The following COL25A1 variants were observed in gnomAD, a reference collection of about 807,000 sequenced individuals.
COL25A1 encodes the protein collagen type XXV alpha 1 chain.
A neutral mutation model predicts 128.4 loss-of-function variants in COL25A1; 103 were observed. The ratio of observed to expected loss-of-function variants is 0.80; its 90% CI spans 0.68 to 0.94. COL25A1 has a LOEUF of 0.94. COL25A1 is among the 40% of genes least tolerant of loss of function. The pLI, the probability that COL25A1 is intolerant of heterozygous loss-of-function variation, is 0.00. For synonymous variants in COL25A1, 279 were observed against 277.2 expected, an observed-to-expected ratio of 1.01 and a Z score of -0.06; for missense variants, 745 against 840.0, an observed-to-expected ratio of 0.89 and a Z score of 1.40.
At chr4:108,911,694 T>G (rs1369929118) in intron 13 of COL25A1, among the ~76,000 whole-genome samples, 1 of 152,184 alleles carries the variant, frequency 6.6e-6, no homozygotes, top group Non-Finnish European at 1.5e-5. Flanking sequence ...AGATGTAATA[T>G]GTCAGTATTT....
chr4:109,122,258 A>G (rs778635748), intron 3 of COL25A1, among the ~76,000 whole-genome samples: 2 of 152,036 alleles, frequency 1.3e-5, no homozygotes. Flanking sequence ...AGGGAACCCT[A>G]ATGTAAACTA....
At chr4:109,293,008 T>C (rs1578657391) in intron 3 of COL25A1, among the ~76,000 whole-genome samples, 1 of 152,054 alleles carries the variant, frequency 6.6e-6, no homozygotes, top group East Asian at 1.9e-4. Flanking sequence ...GATCATATCA[T>C]ATATTATCTT....
chr4:108,916,245 C>T lies in COL25A1; in HGVS notation c.780+1927G>A, dbSNP rs574843966. On this transcript the variant is annotated intron_variant, in intron 13 of 37. Coordinates refer to ENST00000399132, the MANE Select transcript of COL25A1 (RefSeq NM_198721.4). ...CCTTCATAAAAGTGTGAAATCATTT[C>T]GTTTCCCTGGGTTTTACAGAAAACA... Among the ~76,000 whole-genome samples the T allele has an allele frequency of 2.0e-5, 3 of 152,252 alleles. No individual in the cohort carries two copies. In the East Asian group the frequency reaches 5.8e-4, roughly 29 times the overall value.
intron 3 of COL25A1, among the ~76,000 whole-genome samples, chr4:109,147,081 C>T (rs564776191): frequency 5.9e-5 from 9 of 152,310 alleles, no homozygotes; most frequent in East Asian, 1.9e-4. Context: ...GGGGTAAAAT[C>T]GCCAGCAGTT....
At chr4:108,904,719 G>T (rs1005428532) in intron 13 of COL25A1, among the ~76,000 whole-genome samples, 1 of 151,950 alleles carries the variant, frequency 6.6e-6, no homozygotes, top group Non-Finnish European at 1.5e-5. Flanking sequence ...AAACACTGAG[G>T]GCATTCCATA....
At chr4:109,022,822 G>C (rs367574615) in intron 5 of COL25A1, among the ~76,000 whole-genome samples, 1 of 152,140 alleles carries the variant, frequency 6.6e-6, no homozygotes, top group East Asian at 1.9e-4. Context: ...CAGGGTCTAC[G>C]GCATTCAAAG....
intron 13 of COL25A1, among the ~76,000 whole-genome samples, chr4:108,907,468 C>T (rs976295030): frequency 3.3e-5 from 5 of 152,132 alleles, no homozygotes; most frequent in African/African-American, 9.7e-5. Flanking sequence ...CTAAAGTTCC[C>T]CAAAGACCCT....
chr4:109,116,942 G>A (rs1767630811), intron 3 of COL25A1, among the ~76,000 whole-genome samples: 1 of 151,786 alleles, frequency 6.6e-6, no homozygotes, highest in Non-Finnish European at 1.5e-5. Flanking sequence ...TGTGACAATG[G>A]AAACTTTCAA....
chr4:109,272,709 G>C (rs1782275353), intron 3 of COL25A1, among the ~76,000 whole-genome samples: 1 of 152,120 alleles, frequency 6.6e-6, no homozygotes, highest in Non-Finnish European at 1.5e-5. Flanking sequence ...ATGGATCAAG[G>C]CCTAATAGAG....
intron 3 of COL25A1, among the ~76,000 whole-genome samples, chr4:109,226,797 A>C (rs1233801474): frequency 6.6e-6 from 1 of 152,152 alleles, no homozygotes; most frequent in South Asian, 2.1e-4. Flanking sequence ...GTGATAGGCC[A>C]CCTTATATTA....
intron 31 of COL25A1, among the ~76,000 whole-genome samples, chr4:108,837,277 A>C (rs2125741605): frequency 6.6e-6 from 1 of 152,328 alleles, no homozygotes; most frequent in East Asian, 1.9e-4. Flanking sequence ...AATTGTGTAT[A>C]AACTATATTC....
intron 3 of COL25A1, among the ~76,000 whole-genome samples, chr4:109,237,896 G>A (rs1435995854): frequency 6.6e-6 from 1 of 152,046 alleles, no homozygotes; most frequent in East Asian, 1.9e-4. Context: ...AGTACCTCAT[G>A]TAAGTAAAAC....
intron 6 of COL25A1, among the ~76,000 whole-genome samples, chr4:108,982,106 A>C (rs1318760943): frequency 6.6e-6 from 1 of 152,190 alleles, no homozygotes; most frequent in African/African-American, 2.4e-5. Flanking sequence ...AGGCAGGAGA[A>C]TCGCTTGAAC....
intron 3 of COL25A1, among the ~76,000 whole-genome samples, chr4:109,290,919 T>G (rs1157303689): frequency 6.6e-6 from 1 of 152,168 alleles, no homozygotes; most frequent in African/African-American, 2.4e-5. Context: ...CTTGTTCAAC[T>G]TTCCTATCTT....
At chr4:109,021,482 C>T (rs1343195856) in intron 5 of COL25A1, among the ~76,000 whole-genome samples, 1 of 152,142 alleles carries the variant, frequency 6.6e-6, no homozygotes, top group East Asian at 1.9e-4. Context: ...TGAGGATGTA[C>T]GTCACCTCAG....
chr4:108,847,466 C>G (rs541609000), intron 27 of COL25A1, among the ~76,000 whole-genome samples: 3 of 151,798 alleles, frequency 2.0e-5, no homozygotes, highest in African/African-American at 7.2e-5. Context: ...TAAGTAGGTG[C>G]CTGAATGAAT....
intron 3 of COL25A1, among the ~76,000 whole-genome samples, chr4:109,232,966 A>G (rs1031123870): frequency 2.0e-5 from 3 of 152,238 alleles, no homozygotes; most frequent in African/African-American, 7.2e-5. Context: ...GCCACATTAA[A>G]AAGTGATAAC....
intron 11 of COL25A1, among the ~76,000 whole-genome samples, chr4:108,926,482 A>G (rs1408665479): frequency 6.6e-6 from 1 of 152,204 alleles, no homozygotes; most frequent in Non-Finnish European, 1.5e-5. Flanking sequence ...ATTTAATAAA[A>G]GTTAGGCAAA....
chr4:108,833,707 A>AT (rs1300860038), intron 31 of COL25A1, among the ~76,000 whole-genome samples: 1 of 152,202 alleles, frequency 6.6e-6, no homozygotes, highest in Non-Finnish European at 1.5e-5. Flanking sequence ...TTTTAAATTC[A>AT]TTCTAATGTT....
Sources: allele counts gnomAD v4.1 joint callset (sites outside exome capture counted in the v4.1 genomes callset), GRCh38; gene constraint gnomAD v4.1.1; transcripts MANE v1.5; gene names NCBI Gene and HGNC (gene_info 2026-07-23, HGNC 2026-07-21).